Variants in PPP2R2C observed in about 807,000 individuals in gnomAD.
The protein encoded by PPP2R2C is protein phosphatase 2, regulatory subunit B, gamma.
In PPP2R2C, 10 loss-of-function variants were observed where a neutral mutation model predicts 45.3. The observed-to-expected ratio is 0.22, with a 90% CI of 0.14 to 0.37. PPP2R2C has a LOEUF of 0.37. Among genes scored for constraint, PPP2R2C ranks in the 10% least tolerant of loss-of-function variants. The pLI is 1.00. For synonymous variants in PPP2R2C, 257 were observed against 245.4 expected, an observed-to-expected ratio of 1.05 and a Z score of -0.44; for missense variants, 308 against 619.7, an observed-to-expected ratio of 0.50 and a Z score of 5.34.
chr4:6,439,573 A>G (rs764306431), intron 1 of PPP2R2C, among the ~76,000 whole-genome samples: 1 of 152,150 alleles, frequency 6.6e-6, no homozygotes, highest in African/African-American at 2.4e-5. Flanking sequence ...ACTCACAGCC[A>G]GGCCCTGGGA....
intron 2 of PPP2R2C, among the ~76,000 whole-genome samples, chr4:6,520,763 C>T (rs1175597644): frequency 2.0e-5 from 3 of 152,202 alleles, no homozygotes; most frequent in African/African-American, 7.2e-5. Context: ...TTATGCAAGG[C>T]CCACCACGTG....
chr4:6,530,281 C>T (rs1185148824), intron 2 of PPP2R2C, among the ~76,000 whole-genome samples: 2 of 152,078 alleles, frequency 1.3e-5, no homozygotes, highest in Admixed American at 6.5e-5. Context: ...CCAAGCCCAT[C>T]CTAAAAACCC....
At chr4:6,493,488 T>A (rs1400856630) in intron 2 of PPP2R2C, among the ~76,000 whole-genome samples, 2 of 151,734 alleles carry the variant, frequency 1.3e-5, no homozygotes, top group East Asian at 3.9e-4. Context: ...GTGGGAGTTG[T>A]GTGCAACATA....
At chr4:6,556,390 C>T (rs1016263320) in intron 1 of PPP2R2C, among the ~76,000 whole-genome samples, 4 of 152,186 alleles carry the variant, frequency 2.6e-5, no homozygotes, top group Non-Finnish European at 4.4e-5. Flanking sequence ...CTCACACCAT[C>T]GCAACATCAG....
At chr4:6,531,232 CCCA>C (rs1724387110) in intron 2 of PPP2R2C, among the ~76,000 whole-genome samples, 1 of 152,204 alleles carries the variant, frequency 6.6e-6, no homozygotes, top group African/African-American at 2.4e-5. Context: ...CGAGGAAGCA[CCCA>C]CCAAGTCTCA....
At chr4:6,376,064 AC>A in intron 3 of PPP2R2C, 133 bp from the exon 4 acceptor site, 1 of 725,350 alleles carries the variant, frequency 1.4e-6, no homozygotes, top group Non-Finnish European at 2.3e-6. Flanking sequence ...ACGGCTTTGG[AC>A]CAGAACTGCA....
At chr4:6,495,689 A>C (rs1290598219) in intron 2 of PPP2R2C, among the ~76,000 whole-genome samples, 2 of 152,196 alleles carry the variant, frequency 1.3e-5, no homozygotes, top group African/African-American at 4.8e-5. Context: ...ATGTGGTGAA[A>C]ATCAGCTAAA....
At chr4:6,419,039 TC>T (rs1161666358) in intron 1 of PPP2R2C, among the ~76,000 whole-genome samples, 1 of 152,154 alleles carries the variant, frequency 6.6e-6, no homozygotes, top group East Asian at 1.9e-4. Flanking sequence ...CGGTGAGGGT[TC>T]CCCTAGGGCA....
chr4:6,379,134 C>G (rs977345612), intron 2 of PPP2R2C, among the ~76,000 whole-genome samples: 1 of 152,124 alleles, frequency 6.6e-6, no homozygotes, highest in Non-Finnish European at 1.5e-5. Flanking sequence ...TGGGAGCAGA[C>G]TTTAACATTG....
intron 1 of PPP2R2C, among the ~76,000 whole-genome samples, chr4:6,545,448 T>C (rs1278009352): frequency 3.3e-5 from 5 of 152,176 alleles, no homozygotes; most frequent in African/African-American, 9.7e-5. Context: ...AAAATTACTG[T>C]CTTAAGTCTC....
At chr4:6,546,153 G>T (rs544317207) in intron 1 of PPP2R2C, among the ~76,000 whole-genome samples, 3 of 152,306 alleles carry the variant, frequency 2.0e-5, no homozygotes, top group African/African-American at 7.2e-5. Flanking sequence ...CATATCCATG[G>T]GAACTCTGCA....
intron 1 of PPP2R2C, chr4:6,384,337 C>G (rs1577133505): frequency 4.1e-6 from 4 of 985,414 alleles, no homozygotes; most frequent in Non-Finnish European, 4.8e-6. Context: ...GTGAAATAAG[C>G]AAAGAAACTG....
intron 1 of PPP2R2C, among the ~76,000 whole-genome samples, chr4:6,459,297 C>T (rs1721200657): frequency 2.0e-5 from 3 of 152,134 alleles, no homozygotes; most frequent in Non-Finnish European, 4.4e-5. Flanking sequence ...TGTGCCTCTC[C>T]ACAAACTGCT....
Position 6,384,302 on chromosome 4 carries a change from G to C in PPP2R2C, c.71-3208C>G, listed in dbSNP as rs1373768358. 3.0e-6 allele frequency: 3 copies of C among 985,282 alleles called. No homozygotes were observed. The African/African-American group carries it at 5.2e-5, about 17-fold the overall frequency. 61.0% of individuals were successfully genotyped at this position (985,282 alleles called of 1,614,324 possible). On this transcript the variant is annotated intron_variant, in intron 1 of 8. Transcript: ENST00000382599. ...AAATTGGGTATAAAATGCTTGTAAT[G>C]ATCTACATCAGTGATTATAGCCATG...
At chr4:6,515,996 T>C (rs1723818503) in intron 2 of PPP2R2C, among the ~76,000 whole-genome samples, 1 of 152,208 alleles carries the variant, frequency 6.6e-6, no homozygotes, top group South Asian at 2.1e-4. Flanking sequence ...CTCCTCTTAT[T>C]ATAAGGACAT....
At chr4:6,541,776 C>G (rs1000130401) in intron 1 of PPP2R2C, among the ~76,000 whole-genome samples, 1 of 152,194 alleles carries the variant, frequency 6.6e-6, no homozygotes, top group African/African-American at 2.4e-5. Flanking sequence ...GTGATCCACC[C>G]ACCTTGGCCT....
rs545306520 is a variant in PPP2R2C at position 6,462,357 on chromosome 4, T to C, written c.70+9803A>G. Among the ~76,000 whole-genome samples, 4 of 152,306 alleles carry C rather than the reference T, an allele frequency of 2.6e-5. No individual in the cohort carries two copies. The East Asian group carries it at 7.7e-4, about 29-fold the overall frequency. On this transcript the variant is annotated intron_variant, in intron 1 of 8. Coordinates refer to ENST00000382599, the MANE Select transcript of PPP2R2C (RefSeq NM_020416.4). ...GGGCGTGGTGGTGGGCACCTGTATG[T>C]AGTCCCAGCTGCTCAGGATGCTGAG... is the stretch of plus-strand genomic sequence containing the variant.
chr4:6,429,815 C>A lies in PPP2R2C; in HGVS notation c.70+42345G>T, dbSNP rs148582586. 9.4e-3 allele frequency among the ~76,000 whole-genome samples: 1,425 copies of A among 152,198 alleles called. 25 individuals are homozygous for A. The highest frequency in any genetic ancestry group is 0.031 in the African/African-American group (1,304 of 41,502). ...AAATGCCCATCGTTGCCAGAAAGAA[C>A]GGGTGTGAGAATGCAGGCCAGTCCC... On this transcript the variant is annotated intron_variant, in intron 1 of 8. Coordinates refer to ENST00000382599, the MANE Select transcript of PPP2R2C (RefSeq NM_020416.4).
chr4:6,363,673 A>T (rs1465338603), intron 5 of PPP2R2C, among the ~76,000 whole-genome samples: 1 of 152,128 alleles, frequency 6.6e-6, no homozygotes, highest in Non-Finnish European at 1.5e-5. Flanking sequence ...TTGGGAAGAG[A>T]TGTGCACACC....
Sources: gnomAD v4.1 joint callset for allele counts (sites outside exome capture counted in the v4.1 genomes callset) on GRCh38, gnomAD v4.1.1 for gene constraint, MANE v1.5 for transcripts, NCBI Gene and HGNC (gene_info 2026-07-23, HGNC 2026-07-21) for gene names.